Variants in SLC6A3 observed in about 807,000 individuals in gnomAD.
SLC6A3 encodes the protein solute carrier family 6 member 3.
A neutral mutation model predicts 70.4 loss-of-function variants in SLC6A3; 19 were observed. That is an observed-to-expected ratio of 0.27 (90% CI 0.19 to 0.40). SLC6A3 has a LOEUF of 0.40. Ranked by LOEUF, SLC6A3 falls within the 10% of genes least tolerant of loss-of-function variation. SLC6A3 has a pLI of 1.00. For missense variants in SLC6A3, 613 were observed against 838.5 expected, an observed-to-expected ratio of 0.73 and a Z score of 3.32; for synonymous variants, 368 against 356.6, an observed-to-expected ratio of 1.03 and a Z score of -0.36.
At chr5:1,410,842 G>A (rs577741996) in intron 9 of SLC6A3, among the ~76,000 whole-genome samples, 25 of 151,938 alleles carry the variant, frequency 1.6e-4, no homozygotes, top group East Asian at 7.7e-4. Context: ...GTGTGTGTTC[G>A]TGTGTGTTCA....
intron 12 of SLC6A3, 65 bp from the exon 13 acceptor site, chr5:1,403,154 C>T (rs1755892206): frequency 1.2e-5 from 19 of 1,555,328 alleles, no homozygotes; most frequent in East Asian, 2.3e-5. Context: ...AAGCAGGGAG[C>T]GGGCAGGCAC....
rs1209800993 is a variant in SLC6A3 at position 1,404,021 on chromosome 5, G to A, written c.1600-932C>T. 6.6e-6 allele frequency among the ~76,000 whole-genome samples: 1 copy of A among 152,248 alleles called. No individual in the cohort carries two copies. Among genetic ancestry groups the A allele is most frequent in the Non-Finnish European group, 1.5e-5 (1 of 68,046 alleles). On this transcript the variant is annotated intron_variant, in intron 12 of 14. Coordinates refer to ENST00000270349, the MANE Select transcript of SLC6A3 (RefSeq NM_001044.5). This position sits in a 1 kb window ranked among gnomAD's most constrained non-coding sequence, Gnocchi z 5.2. ...GGTCCTTCCCAAGGACACAAGTGAA[G>A]CTCTGATAGATATGGTTTATGATGT...
rs1446006709 is a variant in SLC6A3 at position 1,394,503 on chromosome 5, T to C, written c.*232A>G. The C allele has an allele frequency of 1.6e-6, 1 of 637,660 alleles. No individual in the cohort carries two copies. Among genetic ancestry groups the C allele is most frequent in the African/African-American group, 1.8e-5 (1 of 55,186 alleles). 39.5% of individuals were successfully genotyped at this position (637,660 alleles called of 1,614,324 possible). On this transcript the variant is annotated 3_prime_UTR_variant, in exon 15 of 15. Coordinates refer to ENST00000270349, the MANE Select transcript of SLC6A3 (RefSeq NM_001044.5). The surrounding 1 kb of genome is among the most constrained non-coding windows in gnomAD (Gnocchi z 4.7). Reference sequence around the variant, plus strand: ...GGGACAACAACGGGGTGGACCTCGCTGCACAGATCTACGTCGTTATTACAG... The same window carrying C: ...GGGACAACAACGGGGTGGACCTCGCCGCACAGATCTACGTCGTTATTACAG...
At chr5:1,399,375 C>A (rs963464583) in intron 14 of SLC6A3, among the ~76,000 whole-genome samples, 1 of 151,932 alleles carries the variant, frequency 6.6e-6, no homozygotes, top group Non-Finnish European at 1.5e-5. Context: ...TAGAAAAGAA[C>A]GAAGGATGCA....
rs558334284 is a variant in SLC6A3, at chr5:1,441,560, C to G, written c.287-70G>C. The G allele has an allele frequency of 7.0e-6, 11 of 1,561,836 alleles. No individual in the cohort carries two copies. The African/African-American group carries it at 1.2e-4, about 17-fold the overall frequency. Reference sequence around the variant, plus strand: ...CCATCTCTCCTCGTGGGAGCTTGGGCGGCTACCCCAGTCAACCATCCATGT... The same window carrying G: ...CCATCTCTCCTCGTGGGAGCTTGGGGGGCTACCCCAGTCAACCATCCATGT... On this transcript the variant is annotated intron_variant, in intron 2 of 14. Transcript: ENST00000270349.
rs970778892 is a variant in SLC6A3 at position 1,402,664 on chromosome 5, GCACA to G, written c.1767+254_1767+257del. Among the ~76,000 whole-genome samples the G allele has an allele frequency of 6.6e-6, 1 of 152,086 alleles. No homozygotes were observed. The highest frequency in any genetic ancestry group is 6.6e-5 in the Admixed American group (1 of 15,264). On this transcript the variant is annotated intron_variant, in intron 13 of 14. Transcript: ENST00000270349. This position sits in a 1 kb window ranked among gnomAD's most constrained non-coding sequence, Gnocchi z 8.5. The stretch of plus-strand genomic sequence containing the variant: ...CAGGCACAAGCACACACAGACACAT[GCACA>G]CACAGACACACACAGACATGTGGAC...
Position 1,442,774 on chromosome 5 carries a change from C to G in SLC6A3, c.286+138G>C, listed in dbSNP as rs1027760380. 6 of 861,054 alleles carry G rather than the reference C, an allele frequency of 7.0e-6. No individual in the cohort carries two copies. Among genetic ancestry groups the G allele is most frequent in the Non-Finnish European group, 1.2e-5 (6 of 518,566 alleles). 53.3% of individuals were successfully genotyped at this position (861,054 alleles called of 1,614,324 possible). ...TGACATCCTCTGGGAGGATCTGCAC[C>G]GGCCGTGAGCTCTCACAGGGAGCTC... is the stretch of plus-strand genomic sequence containing the variant. On this transcript the variant is annotated intron_variant, in intron 2 of 14. Coordinates refer to ENST00000270349, the MANE Select transcript of SLC6A3 (RefSeq NM_001044.5). The surrounding 1 kb of genome is among the most constrained non-coding windows in gnomAD (Gnocchi z 5.0).
At chr5:1,416,282 C>T (rs1756289727) in intron 6 of SLC6A3, 81 bp from the exon 7 acceptor site, 1 of 976,810 alleles carries the variant, frequency 1.0e-6, no homozygotes, top group African/African-American at 1.6e-5. Context: ...CTTCCTGTCC[C>T]AGCCCCACAC....
intron 4 of SLC6A3, among the ~76,000 whole-genome samples, chr5:1,422,394 G>A (rs564009447): frequency 2.0e-5 from 3 of 147,474 alleles, no homozygotes; most frequent in Admixed American, 1.4e-4. Context: ...AAGGTGCTGG[G>A]TGCCCACCGC....
chr5:1,421,813 C>G lies in SLC6A3; in HGVS notation c.792+63G>C, dbSNP rs1048540955. 8 of 1,580,322 alleles carry G rather than the reference C, an allele frequency of 5.1e-6. No homozygotes were observed. Among genetic ancestry groups the G allele is most frequent in the Non-Finnish European group, 6.1e-6 (7 of 1,151,712 alleles). Reference sequence around the variant, plus strand: ...CACACGTGCACCTCCTGTCCAGCCACGGCCACATGTCCACTTGGTGGCCCC... The same window carrying G: ...CACACGTGCACCTCCTGTCCAGCCAGGGCCACATGTCCACTTGGTGGCCCC... On this transcript the variant is annotated intron_variant, in intron 5 of 14. Transcript: ENST00000270349. The surrounding 1 kb of genome is among the most constrained non-coding windows in gnomAD (Gnocchi z 7.2).
intron 1 of SLC6A3, 30 bp from the exon 2 acceptor site, chr5:1,443,272 A>G: frequency 6.6e-7 from 1 of 1,515,736 alleles, no homozygotes; most frequent in African/African-American, 1.4e-5. Context: ...TAAACACACA[A>G]CAGGAACGCA....
At chr5:1,439,023 C>T (rs2126406518) in intron 3 of SLC6A3, among the ~76,000 whole-genome samples, 1 of 152,356 alleles carries the variant, frequency 6.6e-6, no homozygotes, top group East Asian at 1.9e-4. Flanking sequence ...GTCCGTGCCG[C>T]TGGCCAGGGC....
chr5:1,423,668 G>A lies in SLC6A3; in HGVS notation c.654-1654C>T, dbSNP rs72763599. 5.9e-3 allele frequency among the ~76,000 whole-genome samples: 892 copies of A among 152,342 alleles called. 3 individuals carry two copies. The highest frequency in any genetic ancestry group is 0.024 in the Middle Eastern group (7 of 294). On this transcript the variant is annotated intron_variant, in intron 4 of 14. Coordinates refer to ENST00000270349, the MANE Select transcript of SLC6A3 (RefSeq NM_001044.5). ...GGCTGTGCTCCTTGCCCCAGGCACAGGTCCTGGGCCCCCTGTCTGTGGGAA... is the reference window on the plus strand; with the variant it reads ...GGCTGTGCTCCTTGCCCCAGGCACAAGTCCTGGGCCCCCTGTCTGTGGGAA...
Position 1,405,071 on chromosome 5 carries a change from T to G in SLC6A3, c.1599+1117A>C, listed in dbSNP as rs1051392693. Among the ~76,000 whole-genome samples the G allele has an allele frequency of 3.9e-5, 6 of 152,244 alleles. No individual in the cohort carries two copies. Among genetic ancestry groups the G allele is most frequent in the Middle Eastern group, 3.2e-3 (1 of 316 alleles). On this transcript the variant is annotated intron_variant, in intron 12 of 14. Coordinates refer to ENST00000270349, the MANE Select transcript of SLC6A3 (RefSeq NM_001044.5). The surrounding 1 kb of genome is among the most constrained non-coding windows in gnomAD (Gnocchi z 5.3). ...TTCCCCTCTGAACAGCCATGTAGTC[T>G]GTGTGCTATTAAAAGCCCGCCCCAT...
rs199589538 is a variant in SLC6A3 at position 1,409,224 on chromosome 5, CA to C, written c.1399-100del. On this transcript the variant is annotated intron_variant, in intron 10 of 14. Coordinates refer to ENST00000270349, the MANE Select transcript of SLC6A3 (RefSeq NM_001044.5). ...TGCACACAAATTGTTTCACTCACTG[CA>C]AAACTCTGGTTTGAGTCCCTAAAAT... The C allele has an allele frequency of 9.5e-5, 85 of 894,950 alleles. No homozygotes were observed. In the East Asian group the frequency reaches 2.2e-3, roughly 24 times the overall value. The allele number at this position is 894,950 out of a possible 1,614,324, so 55.4% of individuals were successfully genotyped here.
At position 1,414,368 on chromosome 5, in the gene SLC6A3, C is replaced by T. The variant is rs540532680; in HGVS notation, c.1156+323G>A. Among the ~76,000 whole-genome samples, 171 of 130,358 alleles carry T rather than the reference C, an allele frequency of 1.3e-3. 1 individual carries two copies. Among genetic ancestry groups the T allele is most frequent in the Middle Eastern group, 3.7e-3 (1 of 272 alleles). 85.5% of individuals were successfully genotyped at this position (130,358 alleles called of 152,430 possible). A position where few individuals can be genotyped will look rare whatever the true frequency, so the allele number is the denominator to read the frequency against. ...GTTCCCCAGCCCAGGGTGGAGGCCC[C>T]GAGAGGCACAAGGCAGGAAAGGCAC... On this transcript the variant is annotated intron_variant, in intron 8 of 14. Coordinates refer to ENST00000270349, the MANE Select transcript of SLC6A3 (RefSeq NM_001044.5).
At position 1,406,615 on chromosome 5, in the gene SLC6A3, TC is replaced by T. The variant is rs1755987245; in HGVS notation, c.1499-328del. On this transcript the variant is annotated intron_variant, in intron 11 of 14. Transcript: ENST00000270349. The surrounding 1 kb of genome is among the most constrained non-coding windows in gnomAD (Gnocchi z 8.8). The stretch of plus-strand genomic sequence containing the variant: ...CCTGTCTCCCTCTGCTGCTGGTACT[TC>T]TTGTTCACTTAAAAAGATTATGGTA... Among the ~76,000 whole-genome samples the T allele has an allele frequency of 6.7e-6, 1 of 149,296 alleles. No individual in the cohort carries two copies. Among genetic ancestry groups the T allele is most frequent in the Non-Finnish European group, 1.5e-5 (1 of 65,972 alleles).
At position 1,411,470 on chromosome 5, in the gene SLC6A3, G is replaced by A. The variant is rs548113338; in HGVS notation, c.1157-115C>T. The A allele has an allele frequency of 1.3e-5, 10 of 791,770 alleles. No individual in the cohort carries two copies. The East Asian group carries it at 1.3e-4, about 11-fold the overall frequency. 49.0% of individuals were successfully genotyped at this position (791,770 alleles called of 1,614,324 possible). ...CCACAGGCCTGTAGAGACTAGGGCT[G>A]GTGCGGCTCTGCTGAAAAGCCCCCT... is the stretch of plus-strand genomic sequence containing the variant. On this transcript the variant is annotated intron_variant, in intron 8 of 14. Transcript: ENST00000270349. The surrounding 1 kb of genome is among the most constrained non-coding windows in gnomAD (Gnocchi z 6.5).
rs1389641013 is a variant in SLC6A3, at chr5:1,442,458, G to T, written c.286+454C>A. Among the ~76,000 whole-genome samples the T allele has an allele frequency of 1.3e-5, 2 of 152,216 alleles. No homozygotes were observed. The highest frequency in any genetic ancestry group is 2.9e-5 in the Non-Finnish European group (2 of 68,024). Reference sequence around the variant, plus strand: ...TCTTCGCTTTCTGGCTCTGTGGCTGGGTTCTGGAGGGTGCAGGGGACACAG... The same window carrying T: ...TCTTCGCTTTCTGGCTCTGTGGCTGTGTTCTGGAGGGTGCAGGGGACACAG... On this transcript the variant is annotated intron_variant, in intron 2 of 14. Transcript: ENST00000270349. This position sits in a 1 kb window ranked among gnomAD's most constrained non-coding sequence, Gnocchi z 5.0.
Sources: allele counts gnomAD v4.1 joint callset (sites outside exome capture counted in the v4.1 genomes callset), GRCh38; gene constraint gnomAD v4.1.1; non-coding constraint Gnocchi (gnomAD v3.1); transcripts MANE v1.5; gene names NCBI Gene and HGNC (gene_info 2026-07-23, HGNC 2026-07-21).